The following SLIT1 variants were observed in gnomAD, a reference collection of about 807,000 sequenced individuals.
The protein encoded by SLIT1 is slit homolog 1 protein.
SLIT1 carries 66 observed loss-of-function variants against 186.1 expected under a neutral mutation model. The ratio of observed to expected loss-of-function variants is 0.35; its 90% confidence interval spans 0.29 to 0.44. The LOEUF (loss-of-function observed/expected upper bound fraction) is 0.44, where lower values mean the gene tolerates loss of function less well. Among genes scored for constraint, SLIT1 ranks in the 20% least tolerant of loss-of-function variants. The probability of loss-of-function intolerance (pLI) is 1.00; values close to 1 mark genes in which losing one functional copy is unlikely to be tolerated. For missense variants in SLIT1, 1,638 were observed against 2,037.4 expected, an observed-to-expected ratio of 0.80 and a Z score of 3.77; for synonymous variants, 761 against 833.8, an observed-to-expected ratio of 0.91 and a Z score of 1.50.
chr10:97,095,140 A>G (rs1849273924), intron 4 of SLIT1, among the ~76,000 whole-genome samples: 2 of 152,202 alleles, frequency 1.3e-5, no homozygotes, highest in African/African-American at 4.8e-5. Context: ...AAAGTTAGTC[A>G]GGCATGGTAG....
At chr10:97,069,846 T>C (rs1480764854) in intron 4 of SLIT1, among the ~76,000 whole-genome samples, 3 of 152,170 alleles carry the variant, frequency 2.0e-5, no homozygotes, top group Non-Finnish European at 4.4e-5. Flanking sequence ...CTCCTGAATG[T>C]GGGCAGGACT....
intron 4 of SLIT1, among the ~76,000 whole-genome samples, chr10:97,069,980 C>T (rs1848987094): frequency 1.3e-5 from 2 of 152,046 alleles, no homozygotes; most frequent in Non-Finnish European, 2.9e-5. Flanking sequence ...TCTGGGAGAA[C>T]CCAACCCAGG....
chr10:97,060,797 C>G lies in SLIT1; in HGVS notation c.794-10G>C. ...CCCGCTTCTCCCTGGCCTGCAGAAA[C>G]AGGGGGGTGTGGCCTCAGGCTGTCA... On this transcript the variant is annotated splice_polypyrimidine_tract_variant and intron_variant, in intron 8 of 36. Transcript: ENST00000266058. 6.3e-7 allele frequency: 1 copy of G among 1,582,604 alleles called. No homozygotes were observed. Among genetic ancestry groups the G allele is most frequent in the Non-Finnish European group, 8.6e-7 (1 of 1,164,398 alleles).
intron 25 of SLIT1, among the ~76,000 whole-genome samples, chr10:97,027,270 T>C (rs1287187747): frequency 1.3e-5 from 2 of 152,250 alleles, no homozygotes; most frequent in Non-Finnish European, 2.9e-5. Flanking sequence ...CTTCAATTCC[T>C]TATAAGTGCT....
In SLIT1 at chr10:97,068,199, A is replaced by T. The variant is rs933927130; in HGVS notation, c.414-2113T>A. ...ATGCACCCTGTCCTGGAGGGAGCTC[A>T]GTCCCCAGCTACCTCCCCTTCTCTG... On this transcript the variant is annotated intron_variant, in intron 4 of 36. Transcript: ENST00000266058. This position sits in a 1 kb window ranked among gnomAD's most constrained non-coding sequence, Gnocchi z 4.2. Among the ~76,000 whole-genome samples, 1 of 152,060 alleles carries T rather than the reference A, an allele frequency of 6.6e-6. No homozygotes were observed. The highest frequency in any genetic ancestry group is 2.1e-4 in the South Asian group (1 of 4,824).
intron 4 of SLIT1, among the ~76,000 whole-genome samples, chr10:97,118,152 C>T (rs1849525457): frequency 6.6e-6 from 1 of 152,182 alleles, no homozygotes; most frequent in South Asian, 2.1e-4. Flanking sequence ...GCCTGAATAT[C>T]ACATAATACT....
intron 4 of SLIT1, among the ~76,000 whole-genome samples, chr10:97,079,912 A>C (rs1437374559): frequency 2.0e-5 from 3 of 152,172 alleles, no homozygotes; most frequent in Admixed American, 1.3e-4. Context: ...AGGATCTGGG[A>C]GAGCCAGGGC....
intron 4 of SLIT1, among the ~76,000 whole-genome samples, chr10:97,088,248 C>T (rs1247487121): frequency 6.6e-6 from 1 of 152,222 alleles, no homozygotes; most frequent in South Asian, 2.1e-4. Flanking sequence ...CCTATCTTCT[C>T]TGTCCCTCAA....
At chr10:97,081,234 T>C (rs1313685074) in intron 4 of SLIT1, among the ~76,000 whole-genome samples, 3 of 152,140 alleles carry the variant, frequency 2.0e-5, no homozygotes, top group Non-Finnish European at 4.4e-5. Flanking sequence ...TAACCCAGGC[T>C]GTGCTGGGGG....
intron 4 of SLIT1, among the ~76,000 whole-genome samples, chr10:97,098,416 AC>A (rs1849314210): frequency 6.6e-6 from 1 of 152,128 alleles, no homozygotes. Context: ...CAGAGAAGAC[AC>A]CCCTTGGCTG....
chr10:97,131,210 T>G (rs924483546), intron 4 of SLIT1, among the ~76,000 whole-genome samples: 3 of 152,196 alleles, frequency 2.0e-5, no homozygotes, highest in Non-Finnish European at 4.4e-5. Context: ...GCCTTCCCCT[T>G]CCTGCACAGC....
chr10:97,007,702 T>C (rs1164333382), intron 31 of SLIT1, among the ~76,000 whole-genome samples: 3 of 152,010 alleles, frequency 2.0e-5, no homozygotes, highest in Admixed American at 1.3e-4. Context: ...AAAGTTCATC[T>C]CAATAGATGC....
At chr10:97,041,945 GT>G (rs1848693940) in intron 20 of SLIT1, among the ~76,000 whole-genome samples, 1 of 151,896 alleles carries the variant, frequency 6.6e-6, no homozygotes, top group South Asian at 2.1e-4. Context: ...ATATAGTTAG[GT>G]TTTAAACAAA....
intron 3 of SLIT1, among the ~76,000 whole-genome samples, chr10:97,158,886 A>G (rs1237130126): frequency 6.6e-6 from 1 of 152,026 alleles, no homozygotes; most frequent in East Asian, 1.9e-4. Flanking sequence ...AGAGAAGAAA[A>G]AAAAAGCATG....
chr10:97,117,061 G>A (rs1212905759), intron 4 of SLIT1, among the ~76,000 whole-genome samples: 1 of 152,174 alleles, frequency 6.6e-6, no homozygotes, highest in African/African-American at 2.4e-5. Flanking sequence ...TAACTACAGT[G>A]GGTGGCAGAG....
In SLIT1 at chr10:97,090,840, G is replaced by T. The variant is rs1849223367; in HGVS notation, c.414-24754C>A. Among the ~76,000 whole-genome samples, 3 of 152,222 alleles carry T rather than the reference G, an allele frequency of 2.0e-5. No homozygotes were observed. In the South Asian group the frequency reaches 6.2e-4, roughly 31 times the overall value. On this transcript the variant is annotated intron_variant, in intron 4 of 36. Coordinates refer to ENST00000266058, the MANE Select transcript of SLIT1 (RefSeq NM_003061.3). ...TGGGCCCTGGCAGGCCCTGGCTGCT[G>T]CCTCCTAAGCCCACGCTCCATCCAT...
rs533484396 is a variant in SLIT1, at chr10:97,001,065, C to T, written c.*47G>A. The T allele has an allele frequency of 3.9e-5, 58 of 1,501,062 alleles. No individual in the cohort carries two copies. In the East Asian group the frequency reaches 7.7e-4, roughly 20 times the overall value. The allele number at this position is 1,501,062 out of a possible 1,614,324, so 93.0% of individuals were successfully genotyped here. A position where few individuals can be genotyped will look rare whatever the true frequency, so the allele number is the denominator to read the frequency against. On this transcript the variant is annotated 3_prime_UTR_variant, in exon 37 of 37. Coordinates refer to ENST00000266058, the MANE Select transcript of SLIT1 (RefSeq NM_003061.3). ...CTGGCGACTGTCTCCGCTGCTGCAGCGGCTGGGGCCCCTTGCCCGCCCTCA... is the reference window on the plus strand; with the variant it reads ...CTGGCGACTGTCTCCGCTGCTGCAGTGGCTGGGGCCCCTTGCCCGCCCTCA...
intron 23 of SLIT1, among the ~76,000 whole-genome samples, chr10:97,031,896 C>T (rs961845094): frequency 3.9e-5 from 6 of 152,248 alleles, no homozygotes; most frequent in African/African-American, 1.2e-4. Flanking sequence ...TCAGTTCCCC[C>T]GACTGTAAAA....
Position 97,090,156 on chromosome 10 carries a change from G to T in SLIT1, c.414-24070C>A, listed in dbSNP as rs139585874. Among the ~76,000 whole-genome samples the T allele has an allele frequency of 2.0e-5, 3 of 152,294 alleles. No homozygotes were observed. The East Asian group carries it at 5.8e-4, about 29-fold the overall frequency. On this transcript the variant is annotated intron_variant, in intron 4 of 36. Transcript: ENST00000266058. ...GGGAGCTCCATGCTTCCATCCCAGT[G>T]GGGGAGCCAAAAACCACCCACATGA... is the stretch of plus-strand genomic sequence containing the variant.
Sources: gnomAD v4.1 joint callset for allele counts (sites outside exome capture counted in the v4.1 genomes callset) on GRCh38, gnomAD v4.1.1 for gene constraint, Gnocchi (gnomAD v3.1) non-coding constraint, MANE v1.5 for transcripts, NCBI Gene and HGNC (gene_info 2026-07-23, HGNC 2026-07-21) for gene names.